Variants in ETV6 observed in about 807,000 individuals in gnomAD.
ETV6 encodes the protein transcription factor ETV6.
Under a neutral mutation model 51.1 loss-of-function variants are expected in ETV6, and 16 were observed. That is an observed-to-expected ratio of 0.31 (90% CI 0.21 to 0.48). The LOEUF is 0.48. Among genes scored for constraint, ETV6 ranks in the 20% least tolerant of loss-of-function variants. The pLI is 0.99. For synonymous variants in ETV6, 240 were observed against 224.1 expected, an observed-to-expected ratio of 1.07 and a Z score of -0.64; for missense variants, 458 against 594.8, an observed-to-expected ratio of 0.77 and a Z score of 2.39.
intron 1 of ETV6, among the ~76,000 whole-genome samples, chr12:11,727,392 C>G (rs750353009): frequency 2.0e-5 from 3 of 152,350 alleles, no homozygotes; most frequent in Non-Finnish European, 2.9e-5. Context: ...CCCTCTCCCT[C>G]GTGGTGGCAG....
chr12:11,746,495 T>G (rs920772166), intron 1 of ETV6, among the ~76,000 whole-genome samples: 21 of 152,324 alleles, frequency 1.4e-4, no homozygotes, highest in African/African-American at 4.8e-4. Context: ...ATTGTGGCAG[T>G]GACTGTATTT....
intron 5 of ETV6, among the ~76,000 whole-genome samples, chr12:11,875,982 C>T (rs1342332612): frequency 2.0e-5 from 3 of 152,136 alleles, no homozygotes; most frequent in African/African-American, 4.8e-5. Context: ...CTCTGCCTTG[C>T]AACATTGTGT....
chr12:11,672,756 T>C (rs1864344163), intron 1 of ETV6, among the ~76,000 whole-genome samples: 1 of 152,172 alleles, frequency 6.6e-6, no homozygotes, highest in African/African-American at 2.4e-5. Context: ...ATATTAGCTA[T>C]TACCGAGTGG....
chr12:11,890,819 G>T lies in ETV6; in HGVS notation c.1254-122G>T, dbSNP rs1591754879. ...GCACTAAGTTAACATTAATCTCGGG[G>T]TTCAGTAGCTCTCCAGCTGTATAAG... On this transcript the variant is annotated intron_variant, in intron 7 of 7. Transcript: ENST00000396373. 6 of 776,742 alleles carry T rather than the reference G, an allele frequency of 7.7e-6. No homozygotes were observed. In the East Asian group the frequency reaches 1.2e-4, roughly 16 times the overall value. The allele number at this position is 776,742 out of a possible 1,614,324, so 48.1% of individuals were successfully genotyped here. A position where few individuals can be genotyped will look rare whatever the true frequency, so the allele number is the denominator to read the frequency against.
intron 2 of ETV6, among the ~76,000 whole-genome samples, chr12:11,753,158 C>A (rs1391034675): frequency 1.3e-5 from 2 of 152,010 alleles, no homozygotes; most frequent in Non-Finnish European, 2.9e-5. Context: ...GCTTGCTTTG[C>A]CTCAGCAGCT....
At chr12:11,669,340 T>G (rs1322811571) in intron 1 of ETV6, among the ~76,000 whole-genome samples, 4 of 144,340 alleles carry the variant, frequency 2.8e-5, no homozygotes, top group Non-Finnish European at 6.2e-5. Context: ...CCTCCCTCCT[T>G]TCCTCCCGTC....
chr12:11,670,127 T>A (rs1464269789), intron 1 of ETV6, among the ~76,000 whole-genome samples: 2 of 151,716 alleles, frequency 1.3e-5, no homozygotes, highest in Admixed American at 1.3e-4. Flanking sequence ...CACTGTATTC[T>A]TGTAATTAGA....
chr12:11,866,822 G>T (rs2710272), intron 4 of ETV6, among the ~76,000 whole-genome samples: 4,477 of 152,286 alleles, frequency 0.029, 112 homozygotes, highest in Middle Eastern at 0.1. Context: ...GGGCTATTCG[G>T]TAATCAGACA....
intron 1 of ETV6, among the ~76,000 whole-genome samples, chr12:11,736,255 A>G (rs2120998906): frequency 6.6e-6 from 1 of 152,348 alleles, no homozygotes; most frequent in South Asian, 2.1e-4. Flanking sequence ...TTGAGTATCT[A>G]CAGTGTATCA....
intron 1 of ETV6, among the ~76,000 whole-genome samples, chr12:11,654,957 T>C (rs1297362346): frequency 1.3e-5 from 2 of 152,098 alleles, no homozygotes; most frequent in African/African-American, 2.4e-5. Context: ...CTGCTCAGGA[T>C]AAGTAAGTCA....
chr12:11,768,086 A>G (rs1187687702), intron 2 of ETV6, among the ~76,000 whole-genome samples: 2 of 151,664 alleles, frequency 1.3e-5, no homozygotes, highest in Non-Finnish European at 2.9e-5. Context: ...ATTGGCTTCC[A>G]TGGTACAGTC....
chr12:11,652,144 A>G (rs181577936), intron 1 of ETV6, among the ~76,000 whole-genome samples: 10 of 152,294 alleles, frequency 6.6e-5, no homozygotes, highest in Admixed American at 5.9e-4. Context: ...GTGTACTTCT[A>G]TGTAATTAAA....
At chr12:11,674,481 G>C (rs143559551) in intron 1 of ETV6, among the ~76,000 whole-genome samples, 20 of 152,042 alleles carry the variant, frequency 1.3e-4, no homozygotes, top group African/African-American at 4.6e-4. Flanking sequence ...TATCCAAAGA[G>C]GAGACAGTGG....
At chr12:11,818,579 C>G (rs1473740514) in intron 2 of ETV6, among the ~76,000 whole-genome samples, 1 of 150,238 alleles carries the variant, frequency 6.7e-6, no homozygotes, top group African/African-American at 2.4e-5. Context: ...AGGAAGATTT[C>G]TCTGGGCACA....
chr12:11,712,530 T>C (rs944645117), intron 1 of ETV6, among the ~76,000 whole-genome samples: 9 of 152,102 alleles, frequency 5.9e-5, no homozygotes, highest in African/African-American at 1.4e-4. Flanking sequence ...ACAGAACCAA[T>C]AGGAGATCCA....
chr12:11,733,426 A>AAAAAAAAAAAAG (rs1865641303), intron 1 of ETV6, among the ~76,000 whole-genome samples: 3 of 135,766 alleles, frequency 2.2e-5, no homozygotes, highest in Non-Finnish European at 5.0e-5. Flanking sequence ...AAAAAAAAAA[A>AAAAAAAAAAAAG]AAAAAATTAA....
chr12:11,783,272 T>G (rs1057181835), intron 2 of ETV6, among the ~76,000 whole-genome samples: 1 of 151,510 alleles, frequency 6.6e-6, no homozygotes, highest in African/African-American at 2.4e-5. Context: ...GGAAGGAGAA[T>G]TTCAGGAAGG....
chr12:11,711,583 A>G (rs1158930972), intron 1 of ETV6, among the ~76,000 whole-genome samples: 1 of 152,210 alleles, frequency 6.6e-6, no homozygotes, highest in Non-Finnish European at 1.5e-5. Context: ...TTTGAAGAAA[A>G]GAGAACATTG....
intron 2 of ETV6, among the ~76,000 whole-genome samples, chr12:11,753,590 TCTC>T (rs1171001972): frequency 1.3e-5 from 2 of 152,218 alleles, no homozygotes; most frequent in East Asian, 3.8e-4. Flanking sequence ...CTCCAGTTCT[TCTC>T]CTCCTGTTCC....
Sources: gnomAD v4.1 joint callset for allele counts (sites outside exome capture counted in the v4.1 genomes callset) on GRCh38, gnomAD v4.1.1 for gene constraint, MANE v1.5 for transcripts, NCBI Gene and HGNC (gene_info 2026-07-23, HGNC 2026-07-21) for gene names.